PTCHD4: variants seen among roughly 807,000 people sequenced by gnomAD.
PTCHD4 encodes patched domain-containing protein 4.
In PTCHD4, 33 loss-of-function variants were observed where a neutral mutation model predicts 58.1. That is an observed-to-expected ratio of 0.57 (90% confidence interval 0.43 to 0.76). PTCHD4 has a LOEUF of 0.76. Ranked by LOEUF, PTCHD4 falls within the 30% of genes least tolerant of loss-of-function variation. The pLI, the probability that PTCHD4 is intolerant of heterozygous loss-of-function variation, is 0.00. For synonymous variants in PTCHD4, 478 were observed against 409.6 expected, an observed-to-expected ratio of 1.17 and a Z score of -2.02; for missense variants, 1,058 against 1,027.1, an observed-to-expected ratio of 1.03 and a Z score of -0.41.
At chr6:47,977,478 C>T (rs1048529682) in intron 4 of PTCHD4, among the ~76,000 whole-genome samples, 1 of 152,190 alleles carries the variant, frequency 6.6e-6, no homozygotes, top group Non-Finnish European at 1.5e-5. Context: ...CTCACTCCAA[C>T]AGCCTGCAAG....
intron 1 of PTCHD4, among the ~76,000 whole-genome samples, chr6:48,078,844 C>T (rs991901474): frequency 2.0e-5 from 3 of 152,068 alleles, no homozygotes; most frequent in South Asian, 2.1e-4. Flanking sequence ...TTTGGCCGGG[C>T]GCGGTGGCTC....
At chr6:48,041,582 G>A (rs1019592367) in intron 3 of PTCHD4, among the ~76,000 whole-genome samples, 2 of 151,848 alleles carry the variant, frequency 1.3e-5, no homozygotes, top group Non-Finnish European at 2.9e-5. Flanking sequence ...GTTACTGATC[G>A]CCGCAGTTAT....
rs1438925489 is a variant in PTCHD4, at chr6:47,866,014, A to G, written c.*12289T>C. Among the ~76,000 whole-genome samples, 1 of 151,712 alleles carries G rather than the reference A, an allele frequency of 6.6e-6. No individual in the cohort carries two copies. The highest frequency in any genetic ancestry group is 1.5e-5 in the Non-Finnish European group (1 of 67,822). ...TCTGGTCCCGTCACATGGGGTGCTC[A>G]GGCCAATAATCTTACCTCATCTTAA... On this transcript the variant is annotated 3_prime_UTR_variant, in exon 5 of 5. Coordinates refer to ENST00000339488, the MANE Select transcript of PTCHD4 (RefSeq NM_001384253.1).
intron 4 of PTCHD4, among the ~76,000 whole-genome samples, chr6:47,936,912 G>A (rs922222027): frequency 6.6e-6 from 1 of 152,196 alleles, no homozygotes; most frequent in Admixed American, 6.5e-5. Context: ...GTCAAGCTAG[G>A]TTAGAAAAGG....
chr6:47,928,001 T>C (rs1173576546), intron 4 of PTCHD4, among the ~76,000 whole-genome samples: 3 of 152,234 alleles, frequency 2.0e-5, no homozygotes, highest in Admixed American at 6.5e-5. Flanking sequence ...GATTGCATCA[T>C]TGTCTTTCAT....
At chr6:48,095,295 C>T (rs1002373788) in intron 1 of PTCHD4, among the ~76,000 whole-genome samples, 2 of 152,086 alleles carry the variant, frequency 1.3e-5, no homozygotes, top group African/African-American at 4.8e-5. Context: ...CAAATATTTC[C>T]TTGGATTGCA....
At chr6:48,021,586 C>T (rs1763072716) in intron 3 of PTCHD4, among the ~76,000 whole-genome samples, 1 of 151,618 alleles carries the variant, frequency 6.6e-6, no homozygotes, top group African/African-American at 2.4e-5. Flanking sequence ...TATGCATAAA[C>T]TATCATGCTA....
rs544319337 is a variant in PTCHD4, at chr6:48,100,677, G to A, written c.-970+10372C>T. 1.4e-4 allele frequency among the ~76,000 whole-genome samples: 21 copies of A among 152,344 alleles called. 1 individual carries two copies. The South Asian group carries it at 3.9e-3, about 29-fold the overall frequency. ...GGAAGATAAGCTTGGCGACAGGAAG[G>A]TGGAGAGATTACTCTGATGCTATTT... is the stretch of plus-strand genomic sequence containing the variant. On this transcript the variant is annotated intron_variant, in intron 1 of 4. Transcript: ENST00000339488.
intron 4 of PTCHD4, among the ~76,000 whole-genome samples, chr6:47,897,747 A>G (rs919025837): frequency 1.3e-5 from 2 of 152,070 alleles, no homozygotes; most frequent in African/African-American, 4.8e-5. Flanking sequence ...TCTTTGATGT[A>G]TTCTCTACTA....
chr6:48,043,064 T>G (rs1763901530), intron 3 of PTCHD4, among the ~76,000 whole-genome samples: 1 of 151,870 alleles, frequency 6.6e-6, no homozygotes, highest in Non-Finnish European at 1.5e-5. Flanking sequence ...GTGACTATGT[T>G]GATAATACTG....
At chr6:47,965,592 C>G (rs570219342) in intron 4 of PTCHD4, among the ~76,000 whole-genome samples, 1 of 152,122 alleles carries the variant, frequency 6.6e-6, no homozygotes. Context: ...AGTAATAATA[C>G]TAATTTAAAT....
chr6:48,102,889 G>T (rs190544615), intron 1 of PTCHD4, among the ~76,000 whole-genome samples: 2 of 152,200 alleles, frequency 1.3e-5, no homozygotes, highest in Non-Finnish European at 1.5e-5. Flanking sequence ...ACTGCAAGGC[G>T]GCAGTGAGGC....
chr6:48,041,939 C>T (rs1288825349), intron 3 of PTCHD4, among the ~76,000 whole-genome samples: 1 of 152,010 alleles, frequency 6.6e-6, no homozygotes, highest in Non-Finnish European at 1.5e-5. Context: ...AAGAGCTGCT[C>T]ATTGCAAAAT....
intron 4 of PTCHD4, among the ~76,000 whole-genome samples, chr6:47,895,931 A>C (rs1764516301): frequency 6.6e-6 from 1 of 152,140 alleles, no homozygotes; most frequent in African/African-American, 2.4e-5. Context: ...TAGCAATGAA[A>C]ATGCCTTGAA....
chr6:48,091,941 C>A (rs574188977), intron 1 of PTCHD4, among the ~76,000 whole-genome samples: 1 of 152,050 alleles, frequency 6.6e-6, no homozygotes, highest in African/African-American at 2.4e-5. Context: ...TGAGCCACCA[C>A]GAGAAATTCT....
At chr6:48,106,248 C>T (rs918459929) in intron 1 of PTCHD4, among the ~76,000 whole-genome samples, 2 of 152,138 alleles carry the variant, frequency 1.3e-5, no homozygotes, top group African/African-American at 4.8e-5. Context: ...AAAAGCTTAT[C>T]CACCATGATC....
chr6:48,051,257 A>T (rs1280613387), intron 3 of PTCHD4, among the ~76,000 whole-genome samples: 1 of 152,016 alleles, frequency 6.6e-6, no homozygotes, highest in Non-Finnish European at 1.5e-5. Context: ...TGAAGTCAGA[A>T]TGTTTATTAA....
chr6:48,028,266 T>TA (rs1562014977), intron 3 of PTCHD4, among the ~76,000 whole-genome samples: 1 of 151,892 alleles, frequency 6.6e-6, no homozygotes, highest in Non-Finnish European at 1.5e-5. Context: ...TTTTGTTTTT[T>TA]TTGATGAGAA....
intron 4 of PTCHD4, among the ~76,000 whole-genome samples, chr6:47,978,447 C>T (rs1767773163): frequency 1.3e-5 from 2 of 152,090 alleles, no homozygotes; most frequent in African/African-American, 4.8e-5. Context: ...AATTAAAGCT[C>T]TCTATATCTT....
Sources: gnomAD v4.1 joint callset for allele counts (sites outside exome capture counted in the v4.1 genomes callset) on GRCh38, gnomAD v4.1.1 for gene constraint, MANE v1.5 for transcripts, NCBI Gene and HGNC (gene_info 2026-07-23, HGNC 2026-07-21) for gene names.